The following CPNE6 variants were observed in gnomAD, a reference collection of about 807,000 sequenced individuals.
The protein encoded by CPNE6 is copine 6.
A neutral mutation model predicts 71.5 loss-of-function variants in CPNE6; 33 were observed. That is an observed-to-expected ratio of 0.46 (90% confidence interval 0.35 to 0.62). The LOEUF is 0.62. Ranked by LOEUF, CPNE6 falls within the 20% of genes least tolerant of loss-of-function variation. CPNE6 has a pLI of 0.00. For missense variants in CPNE6, 576 were observed against 747.3 expected (o/e 0.77, Z 2.67); for synonymous variants, 296 against 293.0 (o/e 1.01, Z -0.10).
chr14:24,077,667 G>A lies in CPNE6; in HGVS notation c.1611G>A (p.Gln537=), dbSNP rs894918901. 5.0e-6 allele frequency: 8 copies of A among 1,594,232 alleles called. No individual in the cohort carries two copies. The highest frequency in any genetic ancestry group is 1.7e-5 in the Admixed American group (1 of 57,522). The stretch of plus-strand genomic sequence containing the variant: ...AGGTGGTGGAGTACTACGCCAGCCA[G>A]GGCATCAGCCCTGGGGCTCCCAGGC... The change falls in exon 17 of 18, where the codon CAG becomes CAA. Residue 537 remains glutamine (Q), a synonymous_variant. Coordinates refer to ENST00000397016, the Ensembl canonical transcript of CPNE6. This position sits in a 1 kb window ranked among gnomAD's most constrained non-coding sequence, Gnocchi z 6.1.
rs573045859 is a variant in CPNE6, at chr14:24,074,185, C to T, written c.423+60C>T. ...GGTATTCAATGCCCCTGCATGGACA[C>T]CTATGGTGACATCATGCCCAGGACC... On this transcript the variant is annotated intron_variant, in intron 5 of 17. Transcript: ENST00000397016. The surrounding 1 kb of genome is among the most constrained non-coding windows in gnomAD (Gnocchi z 4.5). 6.3e-7 allele frequency: 1 copy of T among 1,594,544 alleles called. No individual in the cohort carries two copies. The highest frequency in any genetic ancestry group is 2.2e-5 in the East Asian group (1 of 44,794).
chr14:24,071,519 C>A, intron 1 of CPNE6, 43 bp from the exon 1 acceptor site: 2 of 1,520,860 alleles, frequency 1.3e-6, no homozygotes, highest in Non-Finnish European at 1.8e-6. Flanking sequence ...CCACCCCTCC[C>A]CATCCAGGCC....
Position 24,073,416 on chromosome 14 carries a change from T to G in CPNE6, c.169-83T>G. ...GGGGACGTGGGGGCCCAAGAAGAGCTGGCATGACTAGGGCAGTCCAGGACA... is the reference window on the plus strand; with the variant it reads ...GGGGACGTGGGGGCCCAAGAAGAGCGGGCATGACTAGGGCAGTCCAGGACA... On this transcript the variant is annotated intron_variant, in intron 3 of 17. Coordinates refer to ENST00000397016, the Ensembl canonical transcript of CPNE6. The surrounding 1 kb of genome is among the most constrained non-coding windows in gnomAD (Gnocchi z 5.5). The G allele has an allele frequency of 2.1e-6, 3 of 1,442,804 alleles. No homozygotes were observed. The highest frequency in any genetic ancestry group is 2.8e-6 in the Non-Finnish European group (3 of 1,064,702). The allele number at this position is 1,442,804 out of a possible 1,614,324, so 89.4% of individuals were successfully genotyped here.
chr14:24,077,554 T>G lies in CPNE6; in HGVS notation c.1537-39T>G. Reference sequence around the variant, plus strand: ...TCAGATGACCCTGCCTCCCCTACTCTTCCTCTCACCCCTAACCACATCACT... The same window carrying G: ...TCAGATGACCCTGCCTCCCCTACTCGTCCTCTCACCCCTAACCACATCACT... On this transcript the variant is annotated intron_variant, in intron 16 of 17. Transcript: ENST00000397016. This position sits in a 1 kb window ranked among gnomAD's most constrained non-coding sequence, Gnocchi z 6.1. 6.3e-7 allele frequency: 1 copy of G among 1,587,584 alleles called. No homozygotes were observed. The highest frequency in any genetic ancestry group is 8.6e-7 in the Non-Finnish European group (1 of 1,164,858).
In CPNE6 at chr14:24,073,332, A is replaced by C. The variant is rs1209752345; in HGVS notation, c.169-167A>C. On this transcript the variant is annotated intron_variant, in intron 3 of 17. Transcript: ENST00000397016. This position sits in a 1 kb window ranked among gnomAD's most constrained non-coding sequence, Gnocchi z 5.5. ...TGATAGCCCGGAGGACTGAGAGTCC[A>C]GTGGGCAGGCAGCACCCCAAGCTCA... Among the ~76,000 whole-genome samples the C allele has an allele frequency of 6.6e-6, 1 of 152,188 alleles. No individual in the cohort carries two copies. The highest frequency in any genetic ancestry group is 1.5e-5 in the Non-Finnish European group (1 of 68,032).
Position 24,077,418 on chromosome 14 carries a change from A to T in CPNE6, c.1536+28A>T, listed in dbSNP as rs1346327079. The stretch of plus-strand genomic sequence containing the variant: ...GAGTCCCCCGGGCCCCTTCCGGCTG[A>T]AGGACTCCTCAGCTTCTCATCCCCC... On this transcript the variant is annotated intron_variant, in intron 16 of 17. Coordinates refer to ENST00000397016, the Ensembl canonical transcript of CPNE6. The surrounding 1 kb of genome is among the most constrained non-coding windows in gnomAD (Gnocchi z 6.1). 6.2e-7 allele frequency: 1 copy of T among 1,601,590 alleles called. No individual in the cohort carries two copies.
In CPNE6 at chr14:24,075,358, G is replaced by A. The variant is rs1225339364; in HGVS notation, c.777+82G>A. Reference sequence around the variant, plus strand: ...GGTGATGCTGAAGAGACCACCATAGGTGATAGGAAGTGGAGAGGGTGGAAA... The same window carrying A: ...GGTGATGCTGAAGAGACCACCATAGATGATAGGAAGTGGAGAGGGTGGAAA... On this transcript the variant is annotated intron_variant, in intron 9 of 17. Transcript: ENST00000397016. The surrounding 1 kb of genome is among the most constrained non-coding windows in gnomAD (Gnocchi z 4.3). 2.1e-6 allele frequency: 3 copies of A among 1,413,554 alleles called. No individual in the cohort carries two copies. The highest frequency in any genetic ancestry group is 1.4e-5 in the African/African-American group (1 of 70,934). The allele number at this position is 1,413,554 out of a possible 1,614,324, so 87.6% of individuals were successfully genotyped here.
chr14:24,071,243 C>A, intron 1 of CPNE6: 1 of 1,090,686 alleles, frequency 9.2e-7, no homozygotes, highest in Non-Finnish European at 1.3e-6. Flanking sequence ...GCCTGTGAGT[C>A]GTGGGTGCAT....
In CPNE6 at chr14:24,076,502, A is replaced by C. The variant is rs1205964826; in HGVS notation, c.1114-4A>C. On this transcript the variant is annotated splice_region_variant and splice_polypyrimidine_tract_variant and intron_variant, in intron 13 of 17. Coordinates refer to ENST00000397016, the Ensembl canonical transcript of CPNE6. ...CCCTCACTGCTCCCGCCTTGCCCTC[A>C]CAGGTGTCCCATGACTTTGCTATCA... is the stretch of plus-strand genomic sequence containing the variant. 1 of 1,614,034 alleles carries C rather than the reference A, an allele frequency of 6.2e-7. No homozygotes were observed. Among genetic ancestry groups the C allele is most frequent in the African/African-American group, 1.3e-5 (1 of 74,904 alleles).
In CPNE6 at chr14:24,075,392, G is replaced by A. The variant is rs2036027968; in HGVS notation, c.778-113G>A. 2 of 1,390,156 alleles carry A rather than the reference G, an allele frequency of 1.4e-6. No homozygotes were observed. Among genetic ancestry groups the A allele is most frequent in the Non-Finnish European group, 2.0e-6 (2 of 981,198 alleles). 86.1% of individuals were successfully genotyped at this position (1,390,156 alleles called of 1,614,324 possible). ...AGTGGAGAGGGTGGAAAGCACCTGGGCTCAGCTGAAGGACGGAACCATGGG... is the reference window on the plus strand; with the variant it reads ...AGTGGAGAGGGTGGAAAGCACCTGGACTCAGCTGAAGGACGGAACCATGGG... On this transcript the variant is annotated intron_variant, in intron 9 of 17. Coordinates refer to ENST00000397016, the Ensembl canonical transcript of CPNE6. The surrounding 1 kb of genome is among the most constrained non-coding windows in gnomAD (Gnocchi z 4.3).
intron 1 of CPNE6, 91 bp from the exon 1 acceptor site, chr14:24,071,471 A>G: frequency 6.6e-7 from 1 of 1,524,080 alleles, no homozygotes; most frequent in Admixed American, 2.0e-5. Context: ...CTCCCTCCCA[A>G]TCCATCCACG....
chr14:24,075,394 TC>T lies in CPNE6; in HGVS notation c.778-110del. On this transcript the variant is annotated intron_variant, in intron 9 of 17. Coordinates refer to ENST00000397016, the Ensembl canonical transcript of CPNE6. The surrounding 1 kb of genome is among the most constrained non-coding windows in gnomAD (Gnocchi z 4.3). ...TGGAGAGGGTGGAAAGCACCTGGGC[TC>T]AGCTGAAGGACGGAACCATGGGGGT... 1 of 1,393,032 alleles carries T rather than the reference TC, an allele frequency of 7.2e-7. No individual in the cohort carries two copies. The highest frequency in any genetic ancestry group is 1.0e-6 in the Non-Finnish European group (1 of 984,144). 86.3% of individuals were successfully genotyped at this position (1,393,032 alleles called of 1,614,324 possible). A position where few individuals can be genotyped will look rare whatever the true frequency, so the allele number is the denominator to read the frequency against.
At chr14:24,071,501 G>GGGCCCCCCCCCC in intron 1 of CPNE6, 61 bp from the exon 1 acceptor site, 27 of 1,416,688 alleles carry the variant, frequency 1.9e-5, no homozygotes, top group Non-Finnish European at 2.4e-5. Flanking sequence ...CTGGTGCTGC[G>GGGCCCCCCCCCC]CCCCCCCCCA....
At position 24,075,299 on chromosome 14, in the gene CPNE6, A is replaced by T. The variant is rs1422561387; in HGVS notation, c.777+23A>T. 6.3e-7 allele frequency: 1 copy of T among 1,583,932 alleles called. No homozygotes were observed. Among genetic ancestry groups the T allele is most frequent in the Admixed American group, 1.7e-5 (1 of 59,964 alleles). ...GAGGTGCCACAAATACCCCACCCCC[A>T]GAATCCCACCCAGATCCCTGGGAGA... On this transcript the variant is annotated intron_variant, in intron 9 of 17. Transcript: ENST00000397016. The surrounding 1 kb of genome is among the most constrained non-coding windows in gnomAD (Gnocchi z 4.3).
rs2036027429 is a variant in CPNE6 at position 24,075,382 on chromosome 14, A to C, written c.777+106A>C. ...GGTGATAGGAAGTGGAGAGGGTGGA[A>C]AGCACCTGGGCTCAGCTGAAGGACG... is the stretch of plus-strand genomic sequence containing the variant. On this transcript the variant is annotated intron_variant, in intron 9 of 17. Coordinates refer to ENST00000397016, the Ensembl canonical transcript of CPNE6. This position sits in a 1 kb window ranked among gnomAD's most constrained non-coding sequence, Gnocchi z 4.3. 1 of 1,389,848 alleles carries C rather than the reference A, an allele frequency of 7.2e-7. No homozygotes were observed. The highest frequency in any genetic ancestry group is 1.7e-5 in the Admixed American group (1 of 57,980). The allele number at this position is 1,389,848 out of a possible 1,614,324, so 86.1% of individuals were successfully genotyped here. A position where few individuals can be genotyped will look rare whatever the true frequency, so the allele number is the denominator to read the frequency against.
Position 24,071,409 on chromosome 14 carries a change from T to TC in CPNE6, c.-119-113dup, listed in dbSNP as rs2035892498. Reference sequence around the variant, plus strand: ...CTAAGCCACCCCCAGCCTGCCCTCCTCCCCCGGTTCTGTGGCTCCCTCCCA... The same window carrying TC: ...CTAAGCCACCCCCAGCCTGCCCTCCTCCCCCCGGTTCTGTGGCTCCCTCCCA... On this transcript the variant is annotated intron_variant, in intron 1 of 17. Coordinates refer to ENST00000397016, the Ensembl canonical transcript of CPNE6. The TC allele has an allele frequency of 3.4e-6, 5 of 1,454,412 alleles. No individual in the cohort carries two copies. In the East Asian group the frequency reaches 1.0e-4, roughly 29 times the overall value. 90.1% of individuals were successfully genotyped at this position (1,454,412 alleles called of 1,614,324 possible).
rs1357963735 is a variant in CPNE6 at position 24,075,924 on chromosome 14, G to A, written c.924+38G>A. ...AGGGAGGGCACACAGGCAAGAGGGAGGGGCTGAGTCCATAGTGAAAGGAAG... is the reference window on the plus strand; with the variant it reads ...AGGGAGGGCACACAGGCAAGAGGGAAGGGCTGAGTCCATAGTGAAAGGAAG... On this transcript the variant is annotated intron_variant, in intron 11 of 17. Coordinates refer to ENST00000397016, the Ensembl canonical transcript of CPNE6. The surrounding 1 kb of genome is among the most constrained non-coding windows in gnomAD (Gnocchi z 4.3). 3 of 1,609,620 alleles carry A rather than the reference G, an allele frequency of 1.9e-6. No homozygotes were observed. Among genetic ancestry groups the A allele is most frequent in the Admixed American group, 1.7e-5 (1 of 59,972 alleles).
At chr14:24,071,502 C>CGGCG in intron 1 of CPNE6, 60 bp from the exon 1 acceptor site, 3 of 447,724 alleles carry the variant, frequency 6.7e-6, no homozygotes, top group Non-Finnish European at 1.0e-5. Flanking sequence ...TGGTGCTGCG[C>CGGCG]CCCCCCCCAC....
chr14:24,075,310 C>T lies in CPNE6; in HGVS notation c.777+34C>T. ...AATACCCCACCCCCAGAATCCCACC[C>T]AGATCCCTGGGAGAATCCTGAGGGT... On this transcript the variant is annotated intron_variant, in intron 9 of 17. Coordinates refer to ENST00000397016, the Ensembl canonical transcript of CPNE6. The surrounding 1 kb of genome is among the most constrained non-coding windows in gnomAD (Gnocchi z 4.3). 6.4e-7 allele frequency: 1 copy of T among 1,563,916 alleles called. No homozygotes were observed. The highest frequency in any genetic ancestry group is 8.8e-7 in the Non-Finnish European group (1 of 1,134,274).
Sources: gnomAD v4.1 joint callset for allele counts (sites outside exome capture counted in the v4.1 genomes callset) on GRCh38, gnomAD v4.1.1 for gene constraint, Gnocchi (gnomAD v3.1) non-coding constraint, MANE v1.5 for transcripts, NCBI Gene and HGNC (gene_info 2026-07-23, HGNC 2026-07-21) for gene names.